FOXP2: variants seen among roughly 807,000 people sequenced by gnomAD.
FOXP2 encodes the protein forkhead box protein P2.
Under a neutral mutation model 115.8 loss-of-function variants are expected in FOXP2, and 12 were observed. The ratio of observed to expected loss-of-function variants is 0.10; its 90% CI spans 0.07 to 0.17. The LOEUF (loss-of-function observed/expected upper bound fraction) is 0.17. Ranked by LOEUF, FOXP2 falls within the 10% of genes least tolerant of loss-of-function variation. The pLI, the probability that FOXP2 is intolerant of heterozygous loss-of-function variation, is 1.00. For synonymous variants in FOXP2, 328 were observed against 297.7 expected (o/e 1.10, Z -1.05); for missense variants, 629 against 843.5 (o/e 0.75, Z 3.15).
chr7:114,440,543 T>C (rs527733883), intron 2 of FOXP2, among the ~76,000 whole-genome samples: 4 of 152,342 alleles, frequency 2.6e-5, no homozygotes, highest in African/African-American at 7.2e-5. Context: ...GTTAGATATT[T>C]TGTATGATGG....
intron 2 of FOXP2, among the ~76,000 whole-genome samples, chr7:114,528,743 T>C (rs766309147): frequency 1.2e-4 from 18 of 151,022 alleles, no homozygotes; most frequent in Non-Finnish European, 2.1e-4. Context: ...TCAATACATA[T>C]CCAAACAAAA....
At chr7:114,421,904 G>A (rs182327971) in intron 1 of FOXP2, among the ~76,000 whole-genome samples, 12 of 151,720 alleles carry the variant, frequency 7.9e-5, no homozygotes, top group Admixed American at 6.6e-4. Flanking sequence ...TTATTTAAAC[G>A]CTAGTTTCTT....
chr7:114,393,812 G>T (rs1792668677), intron 2 of FOXP2, among the ~76,000 whole-genome samples: 1 of 152,152 alleles, frequency 6.6e-6, no homozygotes, highest in Non-Finnish European at 1.5e-5. Flanking sequence ...GATAATGGGA[G>T]TCAAATTTCT....
At chr7:114,109,098 A>G (rs967805885) in intron 1 of FOXP2, among the ~76,000 whole-genome samples, 4 of 152,008 alleles carry the variant, frequency 2.6e-5, no homozygotes, top group African/African-American at 7.2e-5. Flanking sequence ...GTTATACACC[A>G]AAGTGTCAGA....
chr7:114,568,078 T>G (rs1202392621), intron 3 of FOXP2, among the ~76,000 whole-genome samples: 1 of 152,074 alleles, frequency 6.6e-6, no homozygotes. Context: ...AAATTTTGCC[T>G]TTTAACTCTT....
chr7:114,503,479 T>C (rs1464453988), intron 2 of FOXP2, among the ~76,000 whole-genome samples: 1 of 151,696 alleles, frequency 6.6e-6, no homozygotes, highest in East Asian at 1.9e-4. Context: ...CTCTAATATA[T>C]CTTGATATAA....
At chr7:114,344,549 C>G (rs1584652571) in intron 2 of FOXP2, among the ~76,000 whole-genome samples, 2 of 151,724 alleles carry the variant, frequency 1.3e-5, no homozygotes, top group East Asian at 3.9e-4. Flanking sequence ...GGGTTTAGTG[C>G]CAGGTGGCAT....
At chr7:114,104,919 CTG>C in intron 1 of FOXP2, among the ~76,000 whole-genome samples, 1 of 152,036 alleles carries the variant, frequency 6.6e-6, no homozygotes, top group South Asian at 2.1e-4. Flanking sequence ...GAAAAATTAA[CTG>C]TGGTAATTTT....
chr7:114,227,476 TA>T (rs977981816), intron 1 of FOXP2, among the ~76,000 whole-genome samples: 16 of 152,182 alleles, frequency 1.1e-4, no homozygotes, highest in African/African-American at 3.8e-4. Context: ...AATAAACACT[TA>T]AAAATATATT....
intron 1 of FOXP2, among the ~76,000 whole-genome samples, chr7:114,241,409 A>G (rs1795148014): frequency 6.6e-6 from 1 of 152,134 alleles, no homozygotes. Context: ...AGGATTGGCT[A>G]TGCTAATTAC....
At chr7:114,525,011 G>A (rs1376915750) in intron 2 of FOXP2, among the ~76,000 whole-genome samples, 4 of 152,216 alleles carry the variant, frequency 2.6e-5, no homozygotes, top group South Asian at 4.1e-4. Flanking sequence ...CATAGAACAT[G>A]ACTCTATTAA....
intron 2 of FOXP2, among the ~76,000 whole-genome samples, chr7:114,500,715 C>T (rs1797531916): frequency 1.3e-5 from 2 of 152,104 alleles, no homozygotes; most frequent in Admixed American, 1.3e-4. Flanking sequence ...AGGGCTGGAA[C>T]ATAAGCCTCT....
intron 3 of FOXP2, chr7:114,570,777 C>A (rs774758667): frequency 1.3e-6 from 2 of 1,568,802 alleles, no homozygotes; most frequent in South Asian, 2.2e-5. Context: ...GAAAAAAAAG[C>A]CAACTCCTGA....
chr7:114,187,387 G>GACATC (rs1184898103), intron 1 of FOXP2, among the ~76,000 whole-genome samples: 1 of 152,146 alleles, frequency 6.6e-6, no homozygotes, highest in African/African-American at 2.4e-5. Flanking sequence ...CTAGTACACA[G>GACATC]ACATTCAGCC....
intron 2 of FOXP2, among the ~76,000 whole-genome samples, chr7:114,387,096 A>AT (rs1197042367): frequency 2.0e-5 from 3 of 152,192 alleles, no homozygotes; most frequent in Non-Finnish European, 4.4e-5. Flanking sequence ...CATAGATAAG[A>AT]AAATATAAAT....
intron 16 of FOXP2, chr7:114,668,854 T>G (rs1055033326): frequency 3.9e-5 from 6 of 152,112 alleles, no homozygotes; most frequent in Non-Finnish European, 7.4e-5. Flanking sequence ...AAATTGGAGA[T>G]TACAGTTAAT....
At chr7:114,413,354 A>G (rs939401560), upstream of FOXP2, among the ~76,000 whole-genome samples, 3 of 152,150 alleles carry the variant, frequency 2.0e-5, no homozygotes, top group African/African-American at 7.2e-5. Flanking sequence ...CCCTTAAAAT[A>G]TAAGTTACTA....
chr7:114,130,965 G>T (rs540390202), intron 1 of FOXP2, among the ~76,000 whole-genome samples: 5 of 152,166 alleles, frequency 3.3e-5, no homozygotes. Flanking sequence ...AATTAAACTG[G>T]AAGTGTTTGT....
intron 1 of FOXP2, among the ~76,000 whole-genome samples, chr7:114,135,372 G>A (rs573996458): frequency 7.2e-5 from 11 of 152,180 alleles, no homozygotes; most frequent in Admixed American, 7.2e-4. Context: ...GAAAATCTGA[G>A]TGGAACCAGA....
Sources: gnomAD v4.1 joint callset for allele counts (sites outside exome capture counted in the v4.1 genomes callset) on GRCh38, gnomAD v4.1.1 for gene constraint, MANE v1.5 for transcripts, NCBI Gene and HGNC (gene_info 2026-07-23, HGNC 2026-07-21) for gene names.